Variants in SDK1 observed in about 807,000 individuals in gnomAD.
SDK1 encodes protein sidekick-1.
SDK1 carries 157 observed loss-of-function variants against 245.5 expected under a neutral mutation model. The observed-to-expected ratio is 0.64, with a 90% confidence interval of 0.56 to 0.73. SDK1 has a LOEUF of 0.73. Among genes scored for constraint, SDK1 ranks in the 30% least tolerant of loss-of-function variants. The pLI, the probability that SDK1 is intolerant of heterozygous loss-of-function variation, is 0.00. For missense variants in SDK1, 3,583 were observed against 3,002.3 expected (o/e 1.19, Z -4.52); for synonymous variants, 1,647 against 1,278.5 (o/e 1.29, Z -6.15).
intron 14 of SDK1, among the ~76,000 whole-genome samples, chr7:4,001,424 C>T (rs184665139): frequency 3.7e-4 from 57 of 152,338 alleles, no homozygotes; most frequent in African/African-American, 1.3e-3. Context: ...GGGTCCAGGT[C>T]AAAGTCTGGC....
chr7:3,867,107 T>C (rs1490859123), intron 5 of SDK1, among the ~76,000 whole-genome samples: 1 of 152,210 alleles, frequency 6.6e-6, no homozygotes. Context: ...CAAGTGGTGC[T>C]GTAAAAGCTA....
intron 1 of SDK1, among the ~76,000 whole-genome samples, chr7:3,339,662 C>G (rs1304445982): frequency 2.6e-5 from 4 of 151,988 alleles, no homozygotes; most frequent in Admixed American, 2.6e-4. Flanking sequence ...ATACGTCAGT[C>G]TCAAAGGAAA....
At chr7:3,357,529 G>C (rs1377348675) in intron 1 of SDK1, among the ~76,000 whole-genome samples, 8 of 144,496 alleles carry the variant, frequency 5.5e-5, no homozygotes, top group Admixed American at 5.5e-4. Context: ...TTTTTTTTTT[G>C]TAGAGATGGG....
intron 4 of SDK1, among the ~76,000 whole-genome samples, chr7:3,740,505 G>T (rs957291187): frequency 6.6e-6 from 1 of 152,156 alleles, no homozygotes; most frequent in African/African-American, 2.4e-5. Context: ...GTCAGATTTA[G>T]GTCAGATACA....
intron 17 of SDK1, among the ~76,000 whole-genome samples, chr7:4,020,522 G>A (rs956804459): frequency 2.2e-4 from 33 of 152,292 alleles, no homozygotes; most frequent in African/African-American, 7.9e-4. Flanking sequence ...GGAAGACGGG[G>A]GCAATGCTTG....
intron 1 of SDK1, among the ~76,000 whole-genome samples, chr7:3,434,115 C>A (rs1279172618): frequency 6.6e-6 from 1 of 152,086 alleles, no homozygotes; most frequent in Non-Finnish European, 1.5e-5. Flanking sequence ...CATCTTATGA[C>A]CTGTTCTTGC....
chr7:3,515,643 G>T (rs929840569), intron 1 of SDK1, among the ~76,000 whole-genome samples: 2 of 152,128 alleles, frequency 1.3e-5, no homozygotes, highest in Non-Finnish European at 2.9e-5. Context: ...AGTAACTTTC[G>T]TGTTTTAGTA....
chr7:3,555,232 G>C (rs539586331), intron 1 of SDK1, among the ~76,000 whole-genome samples: 2 of 152,106 alleles, frequency 1.3e-5, no homozygotes, highest in Non-Finnish European at 2.9e-5. Context: ...CATAAAAATA[G>C]GCAAGTTGAC....
chr7:3,751,045 C>T (rs1190611968), intron 4 of SDK1, among the ~76,000 whole-genome samples: 1 of 152,180 alleles, frequency 6.6e-6, no homozygotes, highest in African/African-American at 2.4e-5. Flanking sequence ...ATCAGCAATA[C>T]CTTCGAGCTC....
intron 1 of SDK1, among the ~76,000 whole-genome samples, chr7:3,503,419 C>T (rs1176871513): frequency 6.6e-6 from 1 of 152,138 alleles, no homozygotes; most frequent in African/African-American, 2.4e-5. Context: ...GTGGCTCATG[C>T]CCATAATCTC....
At chr7:3,440,507 G>C (rs896600604) in intron 1 of SDK1, among the ~76,000 whole-genome samples, 1 of 152,128 alleles carries the variant, frequency 6.6e-6, no homozygotes, top group African/African-American at 2.4e-5. Context: ...TTTGCTCTTT[G>C]AGGTTCACAG....
chr7:4,171,577 C>T (rs954848588), intron 32 of SDK1, among the ~76,000 whole-genome samples: 6 of 152,196 alleles, frequency 3.9e-5, no homozygotes, highest in African/African-American at 1.4e-4. Context: ...CATGCTCCAG[C>T]CCCGTGAAGG....
At chr7:3,403,869 A>ATTGTATATATATATTTT in intron 1 of SDK1, among the ~76,000 whole-genome samples, 1 of 88,898 alleles carries the variant, frequency 1.1e-5, no homozygotes, top group South Asian at 3.5e-4. Context: ...ATATATATAT[A>ATTGTATATATATATTTT]ATATATATAT....
At chr7:3,571,343 C>T (rs1365316991) in intron 1 of SDK1, among the ~76,000 whole-genome samples, 8 of 151,868 alleles carry the variant, frequency 5.3e-5, no homozygotes, top group Admixed American at 2.6e-4. Flanking sequence ...TACATTGTCA[C>T]GCACGTGGGG....
Position 4,139,617 on chromosome 7 carries a change from G to A in SDK1, c.4229-6105G>A, listed in dbSNP as rs1232387092. 8.8e-3 allele frequency among the ~76,000 whole-genome samples: 446 copies of A among 50,546 alleles called. 40 individuals carry two copies. Among genetic ancestry groups the A allele is most frequent in the African/African-American group, 0.027 (422 of 15,738 alleles). The allele number at this position is 50,546 out of a possible 152,430, so 33.2% of individuals were successfully genotyped here. Reference sequence around the variant, plus strand: ...TATATGTATATATGTGTGTGTATATGTGTGTGTGTATATGTATATATGTGT... The same window carrying A: ...TATATGTATATATGTGTGTGTATATATGTGTGTGTATATGTATATATGTGT... On this transcript the variant is annotated intron_variant, in intron 28 of 44. Transcript: ENST00000404826.
intron 22 of SDK1, among the ~76,000 whole-genome samples, chr7:4,099,866 C>A (rs1162452121): frequency 6.6e-6 from 1 of 151,750 alleles, no homozygotes; most frequent in Non-Finnish European, 1.5e-5. Flanking sequence ...GAAACCGTGG[C>A]TGCTGGTCAC....
intron 4 of SDK1, among the ~76,000 whole-genome samples, chr7:3,645,952 G>A (rs1782821906): frequency 3.3e-5 from 5 of 151,858 alleles, no homozygotes; most frequent in South Asian, 2.1e-4. Flanking sequence ...TCTGCCTCCC[G>A]AGGTCAAGCG....
chr7:4,130,966 G>A (rs1261767807), intron 27 of SDK1, among the ~76,000 whole-genome samples: 1 of 152,140 alleles, frequency 6.6e-6, no homozygotes, highest in Non-Finnish European at 1.5e-5. Context: ...TCTCCACGTT[G>A]CTGAGAGAGT....
At chr7:3,805,671 A>T (rs1779223509) in intron 4 of SDK1, among the ~76,000 whole-genome samples, 2 of 152,188 alleles carry the variant, frequency 1.3e-5, no homozygotes, top group Non-Finnish European at 1.5e-5. Flanking sequence ...AGTGCTCAAT[A>T]ATTGTTTGTC....
Sources: gnomAD v4.1 joint callset for allele counts (sites outside exome capture counted in the v4.1 genomes callset) on GRCh38, gnomAD v4.1.1 for gene constraint, MANE v1.5 for transcripts, NCBI Gene and HGNC (gene_info 2026-07-23, HGNC 2026-07-21) for gene names.